Variants in STX17 observed in about 807,000 individuals in gnomAD.
The protein encoded by STX17 is syntaxin-17.
A neutral mutation model predicts 35.9 loss-of-function variants in STX17; 29 were observed. The observed-to-expected ratio is 0.81, with a 90% CI of 0.60 to 1.10. The LOEUF (loss-of-function observed/expected upper bound fraction) is 1.10, where lower values mean the gene tolerates loss of function less well. Among genes scored for constraint, STX17 ranks in the 50% least tolerant of loss-of-function variants. The pLI, the probability that STX17 is intolerant of heterozygous loss-of-function variation, is 0.00. For missense variants in STX17, 312 were observed against 352.3 expected, an observed-to-expected ratio of 0.89 and a Z score of 0.92; for synonymous variants, 92 against 118.3, an observed-to-expected ratio of 0.78 and a Z score of 1.44.
intron 1 of STX17, among the ~76,000 whole-genome samples, chr9:99,908,542 T>A (rs915873405): frequency 1.3e-5 from 2 of 152,254 alleles, no homozygotes; most frequent in Non-Finnish European, 2.9e-5. Context: ...ATGTTTGAAA[T>A]TGTTCCAGCT....
intron 3 of STX17, among the ~76,000 whole-genome samples, chr9:99,935,181 T>A (rs1317521359): frequency 1.3e-5 from 2 of 151,680 alleles, no homozygotes; most frequent in African/African-American, 4.8e-5. Context: ...ATACAAAAAA[T>A]TAGCCGGATG....
At chr9:99,954,802 A>G (rs1267322009) in intron 4 of STX17, among the ~76,000 whole-genome samples, 1 of 152,122 alleles carries the variant, frequency 6.6e-6, no homozygotes, top group Non-Finnish European at 1.5e-5. Flanking sequence ...GTAAGATCAA[A>G]AATACAAAAA....
intron 3 of STX17, among the ~76,000 whole-genome samples, chr9:99,935,462 C>G (rs1005954785): frequency 1.1e-4 from 16 of 151,842 alleles, no homozygotes; most frequent in African/African-American, 3.9e-4. Context: ...CCTTGATTAA[C>G]TGCTGGATAT....
intron 4 of STX17, among the ~76,000 whole-genome samples, chr9:99,957,886 C>T (rs1284994524): frequency 6.6e-6 from 1 of 151,982 alleles, no homozygotes; most frequent in African/African-American, 2.4e-5. Context: ...CTCCTGAGCT[C>T]AGGTGGTTTT....
At chr9:99,951,838 TAATG>T (rs1356773247) in intron 4 of STX17, among the ~76,000 whole-genome samples, 2 of 152,062 alleles carry the variant, frequency 1.3e-5, no homozygotes, top group Non-Finnish European at 2.9e-5. Flanking sequence ...CACATTATAA[TAATG>T]TCTTTAATTC....
At position 99,967,660 on chromosome 9, in the gene STX17, A is replaced by C. The variant is rs563268277; in HGVS notation, c.590A>C (p.Gln197Pro). 20 of 1,613,806 alleles carry C rather than the reference A, an allele frequency of 1.2e-5. No individual in the cohort carries two copies. The South Asian group carries it at 2.0e-4, about 16-fold the overall frequency. The part of the protein sequence containing the change: ...TDFSLLVNSQ[Q>P]EKIDSIADHV... Reference sequence around the variant, plus strand: ...TAATTCCTTTGCATCTAGTCTCAGCAGGAGAAGATTGACAGCATTGCAGAC... The same window carrying C: ...TAATTCCTTTGCATCTAGTCTCAGCCGGAGAAGATTGACAGCATTGCAGAC... Residue 197 changes from glutamine (Q) to proline (P), a missense_variant, in exon 7 of 8, where the codon CAG becomes CCG. Gln to Pro is a moderately conservative substitution (Grantham distance 76, BLOSUM62 -1). Coordinates refer to ENST00000259400, the MANE Select transcript of STX17 (RefSeq NM_017919.3).
chr9:99,955,088 G>C (rs980472139), intron 4 of STX17, among the ~76,000 whole-genome samples: 8 of 152,046 alleles, frequency 5.3e-5, no homozygotes, highest in African/African-American at 1.9e-4. Flanking sequence ...TATTTAGAAA[G>C]GTGATTCAAG....
intron 6 of STX17, among the ~76,000 whole-genome samples, chr9:99,962,096 T>G (rs529284286): frequency 1.3e-5 from 2 of 152,330 alleles, no homozygotes; most frequent in Admixed American, 6.5e-5. Context: ...AACCCTTGCT[T>G]CTTTTGCATT....
Position 99,913,059 on chromosome 9 carries a change from C to CT in STX17, c.-62-2117dup, listed in dbSNP as rs375686628. 4.6e-5 allele frequency among the ~76,000 whole-genome samples: 7 copies of CT among 152,096 alleles called. No homozygotes were observed. In the East Asian group the frequency reaches 1.4e-3, roughly 29 times the overall value. On this transcript the variant is annotated intron_variant, in intron 1 of 7. Coordinates refer to ENST00000259400, the MANE Select transcript of STX17 (RefSeq NM_017919.3). Reference sequence around the variant, plus strand: ...TGAAGGTATTTCTGTCTTTTAATATCTTGCTTTTAAAAGCAATATATTATT... The same window carrying CT: ...TGAAGGTATTTCTGTCTTTTAATATCTTTGCTTTTAAAAGCAATATATTATT...
chr9:99,935,022 A>G (rs544082742), intron 3 of STX17, among the ~76,000 whole-genome samples: 137 of 152,198 alleles, frequency 9.0e-4, no homozygotes, highest in African/African-American at 3.3e-3. Flanking sequence ...AAAAGAGAGA[A>G]GTTGTTTTTA....
chr9:99,939,824 G>A (rs1829312920), intron 3 of STX17, among the ~76,000 whole-genome samples: 1 of 152,190 alleles, frequency 6.6e-6, no homozygotes, highest in African/African-American at 2.4e-5. Flanking sequence ...AGAATCAAAA[G>A]CAAAATAGGA....
At chr9:99,964,693 T>C (rs1408854230) in intron 6 of STX17, among the ~76,000 whole-genome samples, 1 of 152,078 alleles carries the variant, frequency 6.6e-6, no homozygotes, top group Non-Finnish European at 1.5e-5. Context: ...GTTTAGAGCT[T>C]GATTTCACAG....
At chr9:99,964,287 C>T (rs988496795) in intron 6 of STX17, among the ~76,000 whole-genome samples, 1 of 152,074 alleles carries the variant, frequency 6.6e-6, no homozygotes, top group Non-Finnish European at 1.5e-5. Flanking sequence ...ACAGTTTATA[C>T]AGAAACTTAG....
At chr9:99,923,303 T>C (rs1164009997) in intron 2 of STX17, among the ~76,000 whole-genome samples, 1 of 152,144 alleles carries the variant, frequency 6.6e-6, no homozygotes, top group African/African-American at 2.4e-5. Flanking sequence ...TATTAGACAG[T>C]TGTAATAGTA....
intron 1 of STX17, among the ~76,000 whole-genome samples, chr9:99,911,956 G>A (rs576885327): frequency 3.9e-5 from 6 of 152,272 alleles, no homozygotes; most frequent in African/African-American, 1.4e-4. Context: ...GCCAGGCGTC[G>A]TGGCTCACGC....
intron 4 of STX17, among the ~76,000 whole-genome samples, chr9:99,958,829 C>T (rs1829767115): frequency 6.6e-6 from 1 of 152,194 alleles, no homozygotes; most frequent in South Asian, 2.1e-4. Flanking sequence ...ATTAATTCAT[C>T]ATCATAGCAG....
chr9:99,907,660 C>CT (rs753877285), intron 1 of STX17, among the ~76,000 whole-genome samples: 4 of 152,118 alleles, frequency 2.6e-5, no homozygotes, highest in African/African-American at 7.2e-5. Context: ...TACTAAAAAA[C>CT]TTTTTTATTT....
intron 7 of STX17, 38 bp downstream of exon 7, chr9:99,967,777 T>C: frequency 6.3e-7 from 1 of 1,576,994 alleles, no homozygotes; most frequent in Non-Finnish European, 8.7e-7. Flanking sequence ...AATGGTACTC[T>C]GGCTCCCAGG....
intron 6 of STX17, 130 bp from the exon 7 acceptor site, chr9:99,967,523 A>G: frequency 3.7e-6 from 2 of 540,250 alleles, no homozygotes; most frequent in Non-Finnish European, 3.2e-6. Context: ...ATCAGATGCT[A>G]TTAATGAACC....
Sources: gnomAD v4.1 joint callset for allele counts (sites outside exome capture counted in the v4.1 genomes callset) on GRCh38, gnomAD v4.1.1 for gene constraint, MANE v1.5 for transcripts, NCBI Gene and HGNC (gene_info 2026-07-23, HGNC 2026-07-21) for gene names.